The following PDZD2 variants were observed in gnomAD, a reference collection of about 807,000 sequenced individuals.
PDZD2 encodes the protein PDZ domain containing 2.
Under a neutral mutation model 220.7 loss-of-function variants are expected in PDZD2, and 90 were observed. That is an observed-to-expected ratio of 0.41 (90% CI 0.34 to 0.49). PDZD2 has a LOEUF of 0.49. PDZD2 is among the 20% of genes least tolerant of loss of function. PDZD2 has a pLI of 0.28. For synonymous variants in PDZD2, 1,375 were observed against 1,450.5 expected, an observed-to-expected ratio of 0.95 and a Z score of 1.18; for missense variants, 3,174 against 3,608.5, an observed-to-expected ratio of 0.88 and a Z score of 3.08.
intron 2 of PDZD2, among the ~76,000 whole-genome samples, chr5:31,838,000 AGG>A (rs1757050958): frequency 6.6e-6 from 1 of 152,250 alleles, no homozygotes; most frequent in Non-Finnish European, 1.5e-5. Context: ...GTTTGGAAAC[AGG>A]TAAAATACAC....
chr5:31,733,169 G>A (rs1012889127), intron 1 of PDZD2, among the ~76,000 whole-genome samples: 2 of 152,162 alleles, frequency 1.3e-5, no homozygotes, highest in Non-Finnish European at 2.9e-5. Context: ...GTTAGAATTC[G>A]GGGTGGGTTA....
At chr5:31,813,983 C>T (rs1291033707) in intron 2 of PDZD2, among the ~76,000 whole-genome samples, 1 of 152,054 alleles carries the variant, frequency 6.6e-6, no homozygotes. Flanking sequence ...GCCAAGTCAA[C>T]GTGGTGAAAC....
At chr5:31,908,472 G>T in intron 2 of PDZD2, 1 of 929,146 alleles carries the variant, frequency 1.1e-6, no homozygotes, top group Non-Finnish European at 1.6e-6. Context: ...GTAGGAGAGA[G>T]GGTAACACTG....
At chr5:32,097,424 A>G in intron 22 of PDZD2, 44 bp downstream of exon 22, 1 of 1,183,046 alleles carries the variant, frequency 8.5e-7, no homozygotes, top group Non-Finnish European at 1.3e-6. Flanking sequence ...TCCCCCCTCA[A>G]GCAGCCTCAG....
chr5:31,898,144 C>T (rs1277790043), intron 2 of PDZD2, among the ~76,000 whole-genome samples: 1 of 152,228 alleles, frequency 6.6e-6, no homozygotes, highest in Non-Finnish European at 1.5e-5. Context: ...GTGATGAACT[C>T]ATATGAATTA....
intron 7 of PDZD2, among the ~76,000 whole-genome samples, chr5:32,040,491 A>AG: frequency 9.8e-6 from 1 of 102,462 alleles, no homozygotes; most frequent in Non-Finnish European, 2.0e-5. Context: ...CATCTGGGAA[A>AG]TGGGGAGCGC....
chr5:31,935,812 C>T (rs1163054737), intron 2 of PDZD2, among the ~76,000 whole-genome samples: 2 of 152,124 alleles, frequency 1.3e-5, no homozygotes, highest in Non-Finnish European at 2.9e-5. Flanking sequence ...ATCTTCAGTC[C>T]TCCTCCCTGG....
chr5:31,878,184 T>C (rs1420173706), intron 2 of PDZD2, among the ~76,000 whole-genome samples: 3 of 152,156 alleles, frequency 2.0e-5, no homozygotes, highest in African/African-American at 4.8e-5. Flanking sequence ...AGATTGCTTA[T>C]GGTTGGTGGT....
At chr5:32,105,574 A>G (rs775282728) in intron 24 of PDZD2, among the ~76,000 whole-genome samples, 10 of 152,238 alleles carry the variant, frequency 6.6e-5, no homozygotes, top group African/African-American at 2.4e-4. Flanking sequence ...GAAAAAATAA[A>G]TTACACCTCT....
intron 2 of PDZD2, among the ~76,000 whole-genome samples, chr5:31,887,531 T>C (rs1187378225): frequency 1.3e-5 from 2 of 152,142 alleles, no homozygotes; most frequent in African/African-American, 4.8e-5. Flanking sequence ...GGTTGGCAGC[T>C]TTTCCAATAG....
intron 2 of PDZD2, among the ~76,000 whole-genome samples, chr5:31,953,031 A>G (rs1038763841): frequency 1.3e-5 from 2 of 148,900 alleles, no homozygotes; most frequent in African/African-American, 5.0e-5. Flanking sequence ...GTACTCCAGC[A>G]TGGGCAAGAC....
chr5:31,868,843 C>G (rs945178386), intron 2 of PDZD2, among the ~76,000 whole-genome samples: 2 of 152,172 alleles, frequency 1.3e-5, no homozygotes, highest in Non-Finnish European at 2.9e-5. Context: ...ACGATGTCAG[C>G]TCACTGGAAC....
intron 1 of PDZD2, among the ~76,000 whole-genome samples, chr5:31,671,186 A>T (rs1469255357): frequency 1.3e-5 from 2 of 152,174 alleles, no homozygotes; most frequent in Non-Finnish European, 2.9e-5. Flanking sequence ...AGTCAGTCAC[A>T]GTACAGTCAG....
At chr5:31,984,603 A>T (rs1581214488) in intron 3 of PDZD2, among the ~76,000 whole-genome samples, 3 of 152,246 alleles carry the variant, frequency 2.0e-5, no homozygotes, top group African/African-American at 7.2e-5. Context: ...GCAGCTTGTG[A>T]CTGTAGTCCC....
chr5:32,087,912 T>A lies in PDZD2; in HGVS notation c.4464T>A (p.Ala1488=). 1 of 1,613,730 alleles carries A rather than the reference T, an allele frequency of 6.2e-7. No individual in the cohort carries two copies. The highest frequency in any genetic ancestry group is 8.5e-7 in the Non-Finnish European group (1 of 1,179,876). ...CCTCCTCCCCGAGGAGGGCCTGGGC[T>A]GCTGGTGCCCCCGCCTACCCACAAT... ...GQTSSPRRAW[A]AGAPAYPQWA... Residue 1488 remains alanine, a synonymous_variant, in exon 20 of 25, where the codon GCT becomes GCA. Transcript: ENST00000438447. This position sits in a 1 kb window ranked among gnomAD's most constrained non-coding sequence, Gnocchi z 4.0.
At chr5:31,782,793 A>G (rs1753133114) in intron 1 of PDZD2, among the ~76,000 whole-genome samples, 1 of 145,014 alleles carries the variant, frequency 6.9e-6, no homozygotes. Context: ...GGCTTACCAC[A>G]ATCTCTGCCT....
At chr5:31,726,580 G>T (rs1219278718) in intron 1 of PDZD2, among the ~76,000 whole-genome samples, 1 of 152,162 alleles carries the variant, frequency 6.6e-6, no homozygotes, top group Non-Finnish European at 1.5e-5. Context: ...GGGAAGAGGA[G>T]GATCAACTTG....
At chr5:31,976,519 C>T (rs983345608) in intron 2 of PDZD2, among the ~76,000 whole-genome samples, 1 of 152,076 alleles carries the variant, frequency 6.6e-6, no homozygotes, top group African/African-American at 2.4e-5. Context: ...TAAACATCCC[C>T]TTGTGGTTGG....
intron 2 of PDZD2, among the ~76,000 whole-genome samples, chr5:31,896,454 C>T (rs1445846813): frequency 6.6e-6 from 1 of 151,302 alleles, no homozygotes; most frequent in African/African-American, 2.4e-5. Flanking sequence ...TGTTTTAAAC[C>T]TTGGACTTTA....
Sources: allele counts gnomAD v4.1 joint callset (sites outside exome capture counted in the v4.1 genomes callset), GRCh38; gene constraint gnomAD v4.1.1; non-coding constraint Gnocchi (gnomAD v3.1); transcripts MANE v1.5; gene names NCBI Gene and HGNC (gene_info 2026-07-23, HGNC 2026-07-21).